The following DLGAP2 variants were observed in gnomAD, a reference collection of about 807,000 sequenced individuals.
DLGAP2 encodes DLG associated protein 2, also known as disks large-associated protein 2.
Under a neutral mutation model 100.3 loss-of-function variants are expected in DLGAP2, and 26 were observed. That is an observed-to-expected ratio of 0.26 (90% confidence interval 0.19 to 0.36). DLGAP2 has a LOEUF of 0.36. DLGAP2 is among the 10% of genes least tolerant of loss of function. DLGAP2 has a pLI of 1.00. For missense variants in DLGAP2, 1,858 were observed against 1,453.2 expected (o/e 1.28, Z -4.53); for synonymous variants, 886 against 630.1 (o/e 1.41, Z -6.08).
intron 2 of DLGAP2, among the ~76,000 whole-genome samples, chr8:1,238,569 C>T (rs1798717185): frequency 1.1e-5 from 1 of 88,304 alleles, no homozygotes; most frequent in Non-Finnish European, 2.4e-5. Flanking sequence ...AGTTCTCTCC[C>T]ATGGCGCCGT....
chr8:937,016 C>G (rs1335388880), intron 2 of DLGAP2, among the ~76,000 whole-genome samples: 1 of 152,136 alleles, frequency 6.6e-6, no homozygotes, highest in Non-Finnish European at 1.5e-5. Context: ...GGTGGCGGGA[C>G]CTGTTTCTGT....
At chr8:1,578,922 C>A (rs1165937281) in intron 6 of DLGAP2, among the ~76,000 whole-genome samples, 1 of 152,190 alleles carries the variant, frequency 6.6e-6, no homozygotes, top group African/African-American at 2.4e-5. Flanking sequence ...GTGCAGAGCA[C>A]CACTTAGAAT....
intron 3 of DLGAP2, among the ~76,000 whole-genome samples, chr8:1,434,377 A>T (rs916109586): frequency 5.3e-5 from 8 of 151,930 alleles, no homozygotes; most frequent in Non-Finnish European, 7.4e-5. Context: ...CAAGCACTCC[A>T]CCTGCCTGGC....
At position 1,048,723 on chromosome 8, in the gene DLGAP2, G is replaced by C. The variant is rs550123958; in HGVS notation, c.73+140757G>C. Reference sequence around the variant, plus strand: ...CCCGAGGCCCTAGACCTGGAACTGGGGCTGCGGTGGGCCTAGCCTGTCCCC... The same window carrying C: ...CCCGAGGCCCTAGACCTGGAACTGGCGCTGCGGTGGGCCTAGCCTGTCCCC... On this transcript the variant is annotated intron_variant, in intron 2 of 14. Transcript: ENST00000637795. 7.2e-5 allele frequency among the ~76,000 whole-genome samples: 11 copies of C among 152,026 alleles called. No homozygotes were observed. In the South Asian group the frequency reaches 2.3e-3, roughly 32 times the overall value.
chr8:1,064,701 G>A (rs1166429296), intron 2 of DLGAP2, among the ~76,000 whole-genome samples: 4 of 152,136 alleles, frequency 2.6e-5, no homozygotes, highest in African/African-American at 7.2e-5. Context: ...ACCTCTCCAC[G>A]TAGTCAACAC....
intron 8 of DLGAP2, among the ~76,000 whole-genome samples, chr8:1,644,416 T>C (rs1486471843): frequency 1.3e-5 from 2 of 152,234 alleles, no homozygotes; most frequent in South Asian, 2.1e-4. Context: ...CCAGTCTTCC[T>C]GAAATTCTCG....
At chr8:1,075,550 G>C (rs1803579142) in intron 2 of DLGAP2, among the ~76,000 whole-genome samples, 1 of 152,148 alleles carries the variant, frequency 6.6e-6, no homozygotes, top group Non-Finnish European at 1.5e-5. Context: ...GTTTGCTTAA[G>C]TACCAAAAGC....
intron 1 of DLGAP2, among the ~76,000 whole-genome samples, chr8:798,241 C>T (rs575920531): frequency 6.7e-6 from 1 of 149,528 alleles, no homozygotes; most frequent in East Asian, 2.0e-4. Flanking sequence ...CTTCCATTGG[C>T]ACTGAAAGCA....
At chr8:1,271,747 C>G (rs768343011) in intron 3 of DLGAP2, among the ~76,000 whole-genome samples, 6 of 152,248 alleles carry the variant, frequency 3.9e-5, no homozygotes, top group Middle Eastern at 3.4e-3. Flanking sequence ...AGGCTACAAA[C>G]TTGTTGTTTA....
intron 3 of DLGAP2, among the ~76,000 whole-genome samples, chr8:1,279,576 C>G (rs1161572597): frequency 6.6e-6 from 1 of 152,232 alleles, no homozygotes; most frequent in South Asian, 2.1e-4. Flanking sequence ...AAACAACACA[C>G]ATGTGTCATC....
intron 3 of DLGAP2, among the ~76,000 whole-genome samples, chr8:1,418,052 T>C (rs143935237): frequency 0.012 from 1,850 of 152,344 alleles, 33 homozygotes; most frequent in African/African-American, 0.041. Context: ...ATTAGATGCC[T>C]GCAAGAATAT....
chr8:1,348,716 C>T (rs77889089), intron 3 of DLGAP2, among the ~76,000 whole-genome samples: 19 of 152,068 alleles, frequency 1.2e-4, no homozygotes, highest in East Asian at 3.9e-4. Flanking sequence ...GGCCGCTGTG[C>T]GGAGGTTGAG....
chr8:1,266,337 A>G (rs1799450450), intron 3 of DLGAP2, among the ~76,000 whole-genome samples: 2 of 152,218 alleles, frequency 1.3e-5, no homozygotes, highest in Admixed American at 1.3e-4. Context: ...TGGTTTCCAG[A>G]TGAGCGCAGA....
intron 6 of DLGAP2, among the ~76,000 whole-genome samples, chr8:1,617,367 C>A (rs1797189648): frequency 6.6e-6 from 1 of 152,318 alleles, no homozygotes; most frequent in Non-Finnish European, 1.5e-5. Flanking sequence ...ATTCCCTTTT[C>A]TTCACAGCCT....
chr8:941,694 A>G (rs897345176), intron 2 of DLGAP2, among the ~76,000 whole-genome samples: 1 of 152,030 alleles, frequency 6.6e-6, no homozygotes, highest in Non-Finnish European at 1.5e-5. Context: ...TGTCCCCTCT[A>G]TGTTATTATT....
intron 1 of DLGAP2, among the ~76,000 whole-genome samples, chr8:871,284 A>G (rs1194153985): frequency 2.0e-5 from 3 of 152,200 alleles, no homozygotes; most frequent in Non-Finnish European, 4.4e-5. Flanking sequence ...TGGCTGCACT[A>G]TCTTCTGTCC....
intron 3 of DLGAP2, among the ~76,000 whole-genome samples, chr8:1,368,386 TG>T (rs1443244416): frequency 7.9e-5 from 12 of 152,146 alleles, no homozygotes; most frequent in African/African-American, 2.9e-4. Flanking sequence ...CATATGTGCA[TG>T]TGTGTGGGTA....
chr8:1,575,730 G>A (rs868701935), intron 6 of DLGAP2, among the ~76,000 whole-genome samples: 1 of 148,434 alleles, frequency 6.7e-6, no homozygotes, highest in East Asian at 2.0e-4. Flanking sequence ...TTGGTTTTTT[G>A]TTCTTGTGAT....
intron 2 of DLGAP2, among the ~76,000 whole-genome samples, chr8:1,258,503 G>A (rs983573767): frequency 6.6e-6 from 1 of 152,120 alleles, no homozygotes; most frequent in African/African-American, 2.4e-5. Context: ...TTAAAACCTG[G>A]ATGATGGATT....
Sources: gnomAD v4.1 joint callset for allele counts (sites outside exome capture counted in the v4.1 genomes callset) on GRCh38, gnomAD v4.1.1 for gene constraint, MANE v1.5 for transcripts, NCBI Gene and HGNC (gene_info 2026-07-23, HGNC 2026-07-21) for gene names.